IFI35: variants seen among roughly 807,000 people sequenced by gnomAD.
The protein encoded by IFI35 is interferon-induced 35 kDa protein.
IFI35 carries 30 observed loss-of-function variants against 28.6 expected under a neutral mutation model. The ratio of observed to expected loss-of-function variants is 1.05; its 90% confidence interval spans 0.79 to 1.43. The LOEUF (loss-of-function observed/expected upper bound fraction) is 1.43. Among genes scored for constraint, IFI35 ranks in the 40% most tolerant of loss-of-function variants. The probability of loss-of-function intolerance (pLI) is 0.00; values close to 1 mark genes in which losing one functional copy is unlikely to be tolerated. For synonymous variants in IFI35, 146 were observed against 154.8 expected (o/e 0.94, Z 0.42); for missense variants, 372 against 356.9 (o/e 1.04, Z -0.34).
chr17:43,013,403 C>A (rs1172876615), intron 4 of IFI35, 30 bp downstream of exon 4: 1 of 1,612,406 alleles, frequency 6.2e-7, no homozygotes, highest in African/African-American at 1.3e-5. Flanking sequence ...CTGGGGCATG[C>A]AAAGCATGCC....
intron 1 of IFI35, 115 bp from the exon 2 acceptor site, chr17:43,012,064 G>C: frequency 1.4e-6 from 1 of 705,394 alleles, no homozygotes; most frequent in East Asian, 3.0e-5. Context: ...GGTTGTTCTT[G>C]AGCTTAGCAT....
In IFI35 at chr17:43,006,810, G is replaced by C. The variant is rs1486584925; in HGVS notation, c.-138G>C. On this transcript the variant is annotated 5_prime_UTR_variant, in exon 1 of 7. Coordinates refer to ENST00000415816, the MANE Select transcript of IFI35 (RefSeq NM_001330230.2). Reference sequence around the variant, plus strand: ...AAACAGCCTGCGAGCAGAGCCTCCTGAGGTGTATTTCGGGTCTTGCTGGGG... The same window carrying C: ...AAACAGCCTGCGAGCAGAGCCTCCTCAGGTGTATTTCGGGTCTTGCTGGGG... 1.2e-6 allele frequency: 1 copy of C among 832,894 alleles called. No homozygotes were observed. Among genetic ancestry groups the C allele is most frequent in the Non-Finnish European group, 2.1e-6 (1 of 477,898 alleles). 51.6% of individuals were successfully genotyped at this position (832,894 alleles called of 1,614,324 possible). A position where few individuals can be genotyped will look rare whatever the true frequency, so the allele number is the denominator to read the frequency against.
rs181113428 is a variant in IFI35 at position 43,012,268 on chromosome 17, C to A, written c.111C>A (p.Pro37=). 2 of 1,568,876 alleles carry A rather than the reference C, an allele frequency of 1.3e-6. No individual in the cohort carries two copies. Among genetic ancestry groups the A allele is most frequent in the East Asian group, 2.4e-5 (1 of 42,500 alleles). The change falls in exon 2 of 7, where the codon CCC becomes CCA. Residue 37 remains proline, a synonymous_variant. Transcript: ENST00000415816. The stretch of plus-strand genomic sequence containing the variant: ...TGAGAAAGGAGCTCGGGGACTCCCC[C>A]AAAGACAAGGTAAGGTGGGAGATCT... The part of the protein sequence containing the change: ...QQLRKELGDS[P]KDKVPFSVPK...
chr17:43,008,176 A>C (rs2050426485), intron 1 of IFI35, among the ~76,000 whole-genome samples: 1 of 150,008 alleles, frequency 6.7e-6, no homozygotes, highest in Non-Finnish European at 1.5e-5. Context: ...CTGGGAGTAC[A>C]GGCACGTTCC....
chr17:43,014,224 CG>C lies in IFI35; in HGVS notation c.790del (p.Glu264ArgfsTer2). On this transcript the variant is annotated frameshift_variant, in exon 7 of 7. Transcript: ENST00000415816. LOFTEE classifies it high-confidence loss of function. ...ACTTCCAGAAGCCCACCCGCGGGGG[CG>C]GGGAGGTAGAGGCCCTGACAGTCGT... ...IHFQKPTRGGGEVEALTVVPQ... is the reference protein window; with the variant it reads ...IHFQKPTRGGXEVEALTVVPQ... The C allele has an allele frequency of 6.2e-7, 1 of 1,612,458 alleles. No individual in the cohort carries two copies. The highest frequency in any genetic ancestry group is 8.5e-7 in the Non-Finnish European group (1 of 1,179,214).
At chr17:43,011,179 T>G (rs565057538) in intron 1 of IFI35, among the ~76,000 whole-genome samples, 1 of 152,282 alleles carries the variant, frequency 6.6e-6, no homozygotes, top group South Asian at 2.1e-4. Context: ...CCAAATGACT[T>G]TGGGCAAGTC....
intron 1 of IFI35, among the ~76,000 whole-genome samples, chr17:43,009,123 C>T (rs1056711148): frequency 2.0e-5 from 3 of 152,082 alleles, no homozygotes; most frequent in South Asian, 4.1e-4. Context: ...CTCAGCCTCC[C>T]GAGTAGCTGG....
At chr17:43,013,001 C>T in intron 2 of IFI35, 46 bp from the exon 3 acceptor site, 4 of 1,583,610 alleles carry the variant, frequency 2.5e-6, no homozygotes, top group Non-Finnish European at 3.4e-6. Flanking sequence ...TGCCTTCCTC[C>T]TAGGTGGGAG....
In IFI35 at chr17:43,013,794, A is replaced by T. The variant is rs780464597; in HGVS notation, c.581A>T (p.Gln194Leu). Reference sequence around the variant, plus strand: ...CCCACAGTGGCTCAGCGTCTGTGCCAAATCGGCCAGTTCACAGTGCCACTG... The same window carrying T: ...CCCACAGTGGCTCAGCGTCTGTGCCTAATCGGCCAGTTCACAGTGCCACTG... ...ARDGVAQRLC[Q>L]IGQFTVPLGG... Residue 194 changes from glutamine (Q) to leucine (L), a missense_variant, in exon 6 of 7, where the codon CAA becomes CTA. Coordinates refer to ENST00000415816, the MANE Select transcript of IFI35 (RefSeq NM_001330230.2). 5.0e-6 allele frequency: 8 copies of T among 1,613,328 alleles called. No homozygotes were observed. The South Asian group carries it at 5.5e-5, about 11-fold the overall frequency.
rs193102333 is a variant in IFI35 at position 43,011,324 on chromosome 17, A to G, written c.22-855A>G. ...ATCTGAGGTCAGGAGTTTGAGACCAACCTGGCCAACATGGTGAAAACCTGT... is the reference window on the plus strand; with the variant it reads ...ATCTGAGGTCAGGAGTTTGAGACCAGCCTGGCCAACATGGTGAAAACCTGT... On this transcript the variant is annotated intron_variant, in intron 1 of 6. Transcript: ENST00000415816. 5.1e-4 allele frequency among the ~76,000 whole-genome samples: 77 copies of G among 152,134 alleles called. No homozygotes were observed. The East Asian group carries it at 0.014, about 28-fold the overall frequency.
In IFI35 at chr17:43,014,091, C is replaced by T. The variant is rs759903748; in HGVS notation, c.670-17C>T. ...CTTCTCCCATGAGCCTTTGCCATCTCCTGGCTCCTTTTCCAGATCAGGTCG... is the reference window on the plus strand; with the variant it reads ...CTTCTCCCATGAGCCTTTGCCATCTTCTGGCTCCTTTTCCAGATCAGGTCG... On this transcript the variant is annotated splice_polypyrimidine_tract_variant and intron_variant, in intron 6 of 6. Coordinates refer to ENST00000415816, the MANE Select transcript of IFI35 (RefSeq NM_001330230.2). 2 of 1,612,242 alleles carry T rather than the reference C, an allele frequency of 1.2e-6. No individual in the cohort carries two copies. Among genetic ancestry groups the T allele is most frequent in the Admixed American group, 3.3e-5 (2 of 59,840 alleles).
chr17:43,013,426 A>C, intron 4 of IFI35, 50 bp from the exon 5 acceptor site: 2 of 1,612,618 alleles, frequency 1.2e-6, no homozygotes, highest in Non-Finnish European at 1.7e-6. Flanking sequence ...GCACCTGGGC[A>C]TGGGGAAGTG....
chr17:43,006,936 G>T lies in IFI35; in HGVS notation c.-12G>T. The T allele has an allele frequency of 1.9e-6, 3 of 1,614,062 alleles. No individual in the cohort carries two copies. The highest frequency in any genetic ancestry group is 1.1e-5 in the South Asian group (1 of 91,054). ...CTGAAGCCTCAGCTCTTGCCAAACAGACCCGAGACCCATGTCAGCCCCACT... is the reference window on the plus strand; with the variant it reads ...CTGAAGCCTCAGCTCTTGCCAAACATACCCGAGACCCATGTCAGCCCCACT... On this transcript the variant is annotated 5_prime_UTR_variant, in exon 1 of 7. Transcript: ENST00000415816.
At chr17:43,007,580 C>T (rs1383494555) in intron 1 of IFI35, among the ~76,000 whole-genome samples, 1 of 150,904 alleles carries the variant, frequency 6.6e-6, no homozygotes, top group Non-Finnish European at 1.5e-5. Flanking sequence ...CCAGCCAGCA[C>T]TTTGGGAGGC....
rs934065641 is a variant in IFI35 at position 43,013,882 on chromosome 17, G to C, written c.669G>C (p.Glu223Asp). 2 of 1,583,572 alleles carry C rather than the reference G, an allele frequency of 1.3e-6. No individual in the cohort carries two copies. Among genetic ancestry groups the C allele is most frequent in the African/African-American group, 2.7e-5 (2 of 74,264 alleles). Residue 223 changes from glutamate to aspartate, a missense_variant and splice_region_variant, in exon 6 of 7, where the codon GAG (glutamate) becomes GAC (aspartate). Coordinates refer to ENST00000415816, the MANE Select transcript of IFI35 (RefSeq NM_001330230.2). Reference protein sequence around the residue: ...PYVNGEIQKAEIRSQPVPRSV... With the variant: ...PYVNGEIQKADIRSQPVPRSV... ...TGAACGGGGAGATCCAGAAGGCTGA[G>C]GTAAGCAGGAGGGGTGAAGAACAGG...
In IFI35 at chr17:43,014,360, G is replaced by A. The variant is rs2050502769; in HGVS notation, c.*61G>A. On this transcript the variant is annotated 3_prime_UTR_variant, in exon 7 of 7. Transcript: ENST00000415816. ...AAGGTTCTCACACTGGCCTGGGCTT[G>A]GGTGCCCATATAGGAGGTCTGTATG... is the stretch of plus-strand genomic sequence containing the variant. 3 of 1,287,940 alleles carry A rather than the reference G, an allele frequency of 2.3e-6. No individual in the cohort carries two copies. The highest frequency in any genetic ancestry group is 3.0e-5 in the African/African-American group (2 of 66,900). The allele number at this position is 1,287,940 out of a possible 1,614,324, so 79.8% of individuals were successfully genotyped here.
At chr17:43,008,468 C>CATCCCAAG (rs563759614) in intron 1 of IFI35, among the ~76,000 whole-genome samples, 12 of 149,094 alleles carry the variant, frequency 8.0e-5, no homozygotes, top group South Asian at 2.1e-4. Context: ...CTTGCCTCAG[C>CATCCCAAG]ATCCCAAGTA....
intron 1 of IFI35, among the ~76,000 whole-genome samples, chr17:43,007,899 A>T (rs2050423581): frequency 6.9e-6 from 1 of 144,116 alleles, no homozygotes; most frequent in African/African-American, 2.7e-5. Context: ...TTTAAGAATC[A>T]CACTAGGTAA....
At chr17:43,012,305 GT>G in intron 2 of IFI35, 28 bp downstream of exon 2, 3 of 1,530,014 alleles carry the variant, frequency 2.0e-6, no homozygotes, top group Non-Finnish European at 2.7e-6. Flanking sequence ...GTGTTGTTTG[GT>G]AAAAACGAGC....
Sources: allele counts gnomAD v4.1 joint callset (sites outside exome capture counted in the v4.1 genomes callset), GRCh38; gene constraint gnomAD v4.1.1; transcripts MANE v1.5; gene names NCBI Gene and HGNC (gene_info 2026-07-23, HGNC 2026-07-21).